The following CSGALNACT1 variants were observed in gnomAD, a reference collection of about 807,000 sequenced individuals.
CSGALNACT1 encodes beta4GalNAcT-1.
In CSGALNACT1, 52 loss-of-function variants were observed where a neutral mutation model predicts 51.0. That is an observed-to-expected ratio of 1.02 (90% CI 0.82 to 1.29). The LOEUF is 1.29. Ranked by LOEUF, CSGALNACT1 falls within the 50% of genes most tolerant of loss-of-function variation. The pLI is 0.00. For synonymous variants in CSGALNACT1, 341 were observed against 254.4 expected, an observed-to-expected ratio of 1.34 and a Z score of -3.24; for missense variants, 935 against 679.2, an observed-to-expected ratio of 1.38 and a Z score of -4.19.
chr8:19,661,103 A>G lies in CSGALNACT1; in HGVS notation c.-544+21370T>C, dbSNP rs574262603. ...AATTTTTTTTTTTTTTTTAGTAGAG[A>G]CGGGATTTCACCATGTTGGCCAGGA... On this transcript the variant is annotated intron_variant, in intron 1 of 9. Transcript: ENST00000332246. Among the ~76,000 whole-genome samples the G allele has an allele frequency of 2.0e-4, 30 of 148,804 alleles. No individual in the cohort carries two copies. The South Asian group carries it at 6.5e-3, about 32-fold the overall frequency.
intron 1 of CSGALNACT1, among the ~76,000 whole-genome samples, chr8:19,676,138 T>G (rs936683447): frequency 3.4e-5 from 5 of 146,088 alleles, no homozygotes; most frequent in Non-Finnish European, 6.0e-5. Context: ...AACCAGAGTT[T>G]ACACAAGATA....
At chr8:19,418,301 T>C (rs1341116764) in intron 8 of CSGALNACT1, among the ~76,000 whole-genome samples, 3 of 152,114 alleles carry the variant, frequency 2.0e-5, no homozygotes, top group Non-Finnish European at 4.4e-5. Flanking sequence ...TTCTGTCAAA[T>C]GGGAACATAA....
chr8:19,610,916 A>G (rs1180540376), intron 1 of CSGALNACT1, among the ~76,000 whole-genome samples: 1 of 152,208 alleles, frequency 6.6e-6, no homozygotes, highest in Non-Finnish European at 1.5e-5. Flanking sequence ...GCACATGCCC[A>G]CTGCGGCTTC....
At chr8:19,407,147 C>A (rs1359474400) in intron 9 of CSGALNACT1, among the ~76,000 whole-genome samples, 1 of 152,174 alleles carries the variant, frequency 6.6e-6, no homozygotes, top group Admixed American at 6.5e-5. Flanking sequence ...AGACCTGCAT[C>A]CTGGGTGCTC....
At chr8:19,525,918 T>C (rs2081590339) in intron 3 of CSGALNACT1, among the ~76,000 whole-genome samples, 1 of 152,138 alleles carries the variant, frequency 6.6e-6, no homozygotes, top group Non-Finnish European at 1.5e-5. Flanking sequence ...CTGTCCTATA[T>C]AACCGTAGTG....
At chr8:19,492,423 G>A (rs904269258) in intron 4 of CSGALNACT1, among the ~76,000 whole-genome samples, 14 of 152,148 alleles carry the variant, frequency 9.2e-5, no homozygotes, top group Non-Finnish European at 1.5e-4. Flanking sequence ...TTTCCTGCAC[G>A]CTACTCCTGA....
At chr8:19,667,584 GA>G (rs1251284752) in intron 1 of CSGALNACT1, among the ~76,000 whole-genome samples, 1 of 152,140 alleles carries the variant, frequency 6.6e-6, no homozygotes, top group African/African-American at 2.4e-5. Context: ...CAAGGCTGAT[GA>G]ATTATGAACA....
chr8:19,564,635 GCACT>G (rs2041523458), intron 3 of CSGALNACT1, among the ~76,000 whole-genome samples: 1 of 152,144 alleles, frequency 6.6e-6, no homozygotes, highest in South Asian at 2.1e-4. Flanking sequence ...TGCATCCACA[GCACT>G]CACTCCTTTG....
At chr8:19,602,663 T>G (rs988800516), upstream of CSGALNACT1, 1 of 152,188 alleles carries the variant, frequency 6.6e-6, no homozygotes, top group Non-Finnish European at 1.5e-5. Flanking sequence ...TGCCTGGAGA[T>G]TGCGCCTTGC....
rs375633259 is a variant in CSGALNACT1 at position 19,666,809 on chromosome 8, AAGAGAGAG to A, written c.-544+15656_-544+15663del. Among the ~76,000 whole-genome samples, 17 of 25,060 alleles carry A rather than the reference AAGAGAGAG, an allele frequency of 6.8e-4. 1 individual carries two copies. Among genetic ancestry groups the A allele is most frequent in the Non-Finnish European group, 1.1e-3 (16 of 14,608 alleles). 16.4% of individuals were successfully genotyped at this position (25,060 alleles called of 152,430 possible). A position where few individuals can be genotyped will look rare whatever the true frequency, so the allele number is the denominator to read the frequency against. ...AAAGAAAGAAAGAAAGAAAGAAAGA[AAGAGAGAG>A]AGAGAGAGAGAGAGAGAAAGAAAGA... On this transcript the variant is annotated intron_variant, in intron 1 of 9. Coordinates refer to the CSGALNACT1 transcript ENST00000332246.
At position 19,420,250 on chromosome 8, in the gene CSGALNACT1, G is replaced by C. The variant is rs2057697373; in HGVS notation, c.1132+90C>G. The C allele has an allele frequency of 4.3e-6, 5 of 1,151,548 alleles. No individual in the cohort carries two copies. In the South Asian group the frequency reaches 6.1e-5, roughly 14 times the overall value. The allele number at this position is 1,151,548 out of a possible 1,614,324, so 71.3% of individuals were successfully genotyped here. On this transcript the variant is annotated intron_variant, in intron 7 of 9. Transcript: ENST00000454498. ...GTAAAACAGGCTGATTCAGAAGCAG[G>C]ACATCAGAGTGACTGACCCATCAAG...
intron 1 of CSGALNACT1, among the ~76,000 whole-genome samples, chr8:19,620,807 T>C (rs2053725088): frequency 6.6e-6 from 1 of 152,134 alleles, no homozygotes; most frequent in Non-Finnish European, 1.5e-5. Flanking sequence ...TGAGAAAGAA[T>C]ATTAACACTC....
intron 1 of CSGALNACT1, among the ~76,000 whole-genome samples, chr8:19,642,690 G>A (rs2056863027): frequency 6.6e-6 from 1 of 151,928 alleles, no homozygotes. Flanking sequence ...GGAGGCTGAG[G>A]TGAGAGGATC....
intron 9 of CSGALNACT1, among the ~76,000 whole-genome samples, chr8:19,407,515 T>C (rs2054487280): frequency 6.6e-6 from 1 of 152,200 alleles, no homozygotes; most frequent in African/African-American, 2.4e-5. Context: ...ACTCTATCTC[T>C]TTCGAGATCC....
At chr8:19,480,958 G>A (rs537873124) in intron 4 of CSGALNACT1, among the ~76,000 whole-genome samples, 5 of 152,076 alleles carry the variant, frequency 3.3e-5, no homozygotes, top group Admixed American at 6.6e-5. Flanking sequence ...GCTCTCCTAC[G>A]AGAGTGAGGG....
chr8:19,623,884 T>C (rs2054132493), intron 1 of CSGALNACT1, among the ~76,000 whole-genome samples: 2 of 151,596 alleles, frequency 1.3e-5, no homozygotes, highest in South Asian at 2.1e-4. Context: ...GATTTCTCTC[T>C]TGTATTAATG....
chr8:19,433,118 C>A (rs990770094), intron 6 of CSGALNACT1, among the ~76,000 whole-genome samples: 4 of 152,186 alleles, frequency 2.6e-5, no homozygotes, highest in African/African-American at 7.2e-5. Context: ...TGAACTAATT[C>A]TATAAAGTCT....
chr8:19,462,359 A>T (rs1365022771), intron 4 of CSGALNACT1, among the ~76,000 whole-genome samples: 1 of 152,156 alleles, frequency 6.6e-6, no homozygotes, highest in Non-Finnish European at 1.5e-5. Context: ...TTTTTTCCCA[A>T]TGAAGTCATT....
intron 4 of CSGALNACT1, among the ~76,000 whole-genome samples, chr8:19,464,953 T>C (rs1039242836): frequency 8.5e-5 from 13 of 152,150 alleles, no homozygotes; most frequent in African/African-American, 2.4e-4. Context: ...AAGTTAAACA[T>C]AGAAATACCA....
Sources: allele counts gnomAD v4.1 joint callset (sites outside exome capture counted in the v4.1 genomes callset), GRCh38; gene constraint gnomAD v4.1.1; transcripts MANE v1.5; gene names NCBI Gene and HGNC (gene_info 2026-07-23, HGNC 2026-07-21).